The following DOCK9 variants were observed in gnomAD, a reference collection of about 807,000 sequenced individuals.
DOCK9 encodes the protein dedicator of cytokinesis protein 9.
In DOCK9, 89 loss-of-function variants were observed where a neutral mutation model predicts 263.3. The observed-to-expected ratio is 0.34, with a 90% CI of 0.28 to 0.40. The LOEUF (loss-of-function observed/expected upper bound fraction) is 0.40. DOCK9 is among the 10% of genes least tolerant of loss of function. The pLI is 1.00. For missense variants in DOCK9, 2,140 were observed against 2,603.4 expected (o/e 0.82, Z 3.87); for synonymous variants, 976 against 973.1 (o/e 1.00, Z -0.06).
At chr13:98,845,392 C>G in intron 38 of DOCK9, 1 of 1,349,904 alleles carries the variant, frequency 7.4e-7, no homozygotes, top group Non-Finnish European at 9.8e-7. Context: ...CAGAAAAAGT[C>G]ACTTTGTTAT....
At chr13:99,034,651 A>G (rs117261162) in intron 1 of DOCK9, among the ~76,000 whole-genome samples, 4,212 of 152,344 alleles carry the variant, frequency 0.028, 96 homozygotes, top group South Asian at 0.062. Context: ...CTCAACGAAC[A>G]GCAGAGACAG....
intron 52 of DOCK9, among the ~76,000 whole-genome samples, chr13:98,796,886 C>T (rs1165925512): frequency 1.3e-5 from 2 of 152,082 alleles, no homozygotes; most frequent in Non-Finnish European, 2.9e-5. Context: ...CTTAGAGCCA[C>T]GAGGAGGCGG....
chr13:98,818,889 G>A (rs941014337), intron 45 of DOCK9, among the ~76,000 whole-genome samples: 9 of 152,184 alleles, frequency 5.9e-5, no homozygotes, highest in Admixed American at 1.3e-4. Flanking sequence ...ATGAGCCTAT[G>A]TCTGTGCAGG....
At position 98,805,054 on chromosome 13, in the gene DOCK9, G is replaced by T; in HGVS notation, c.5670C>A (p.Thr1890=). The T allele has an allele frequency of 6.2e-7, 1 of 1,611,666 alleles. No homozygotes were observed. The highest frequency in any genetic ancestry group is 8.5e-7 in the Non-Finnish European group (1 of 1,178,906). The change falls in exon 49 of 53, where the codon ACC becomes ACA. Residue 1890 remains threonine, a synonymous_variant. Transcript: ENST00000682017. ...RFMFEMPFTQ[T]GKRQGGVEEQ... is the part of the protein sequence containing the mutation. ...CTTCCACCCCGCCCTGCCTCTTCCC[G>T]GTCTGCGTAAATGGCATCTCAAACA...
chr13:98,870,605 A>C (rs1687891757), intron 27 of DOCK9, among the ~76,000 whole-genome samples: 1 of 152,330 alleles, frequency 6.6e-6, no homozygotes, highest in East Asian at 1.9e-4. Context: ...TCTATCATGG[A>C]CAGGTTGAGT....
intron 49 of DOCK9, 45 bp downstream of exon 49, chr13:98,804,954 G>T (rs774904450): frequency 6.5e-7 from 1 of 1,547,636 alleles, no homozygotes; most frequent in East Asian, 2.4e-5. Context: ...CAGCTCTTTG[G>T]CGAGGTGTCC....
intron 2 of DOCK9, among the ~76,000 whole-genome samples, chr13:98,944,062 T>G (rs2056355781): frequency 6.6e-6 from 1 of 152,208 alleles, no homozygotes; most frequent in South Asian, 2.1e-4. Context: ...TTTATCCAAT[T>G]CCACCAATTG....
intron 1 of DOCK9, among the ~76,000 whole-genome samples, chr13:99,029,008 C>T (rs888144166): frequency 1.3e-5 from 2 of 152,224 alleles, no homozygotes; most frequent in Non-Finnish European, 2.9e-5. Flanking sequence ...TACCAGTTGG[C>T]TCTCTGTTAG....
intron 1 of DOCK9, among the ~76,000 whole-genome samples, chr13:98,984,653 C>G (rs559490885): frequency 3.8e-4 from 58 of 152,258 alleles, no homozygotes; most frequent in African/African-American, 1.3e-3. Context: ...AGTCAGAAAT[C>G]AGTGAGCTGG....
intron 1 of DOCK9, among the ~76,000 whole-genome samples, chr13:98,991,921 C>G (rs1278776353): frequency 3.3e-5 from 5 of 151,856 alleles, no homozygotes; most frequent in Non-Finnish European, 5.9e-5. Context: ...TTCTCCCCAC[C>G]TGTGGGGCCA....
At chr13:98,923,451 G>T in intron 4 of DOCK9, 80 bp from the exon 5 acceptor site, 8 of 1,180,058 alleles carry the variant, frequency 6.8e-6, no homozygotes, top group African/African-American at 1.5e-5. Flanking sequence ...CCATCATAGG[G>T]CCCGGCCTTT....
upstream of DOCK9, among the ~76,000 whole-genome samples, chr13:98,979,343 T>C (rs141414683): frequency 6.6e-6 from 1 of 152,172 alleles, no homozygotes; most frequent in East Asian, 1.9e-4. Flanking sequence ...TAACATAAAC[T>C]ATTATACAAG....
intron 2 of DOCK9, among the ~76,000 whole-genome samples, chr13:98,939,636 A>G (rs908611784): frequency 1.3e-5 from 2 of 152,196 alleles, no homozygotes; most frequent in Admixed American, 6.5e-5. Flanking sequence ...ACGGACCTGG[A>G]TGCAGCCAAA....
chr13:98,846,152 G>A (rs1279686610), intron 37 of DOCK9, 92 bp from the exon 38 acceptor site: 168 of 1,416,086 alleles, frequency 1.2e-4, no homozygotes, highest in South Asian at 2.3e-4. Flanking sequence ...AACATGGCAC[G>A]AGGGAGATGG....
chr13:98,999,652 G>T (rs1442211655), intron 1 of DOCK9, among the ~76,000 whole-genome samples: 2 of 152,160 alleles, frequency 1.3e-5, no homozygotes, highest in African/African-American at 2.4e-5. Context: ...ATGGAAAAGG[G>T]TTTAAATTAC....
At chr13:98,843,891 G>A (rs769842899) in intron 38 of DOCK9, among the ~76,000 whole-genome samples, 2 of 152,118 alleles carry the variant, frequency 1.3e-5, no homozygotes, top group Non-Finnish European at 2.9e-5. Flanking sequence ...ATTCACATGT[G>A]GACCATTCAT....
At chr13:98,930,527 G>A (rs1379143061) in intron 2 of DOCK9, among the ~76,000 whole-genome samples, 1 of 152,190 alleles carries the variant, frequency 6.6e-6, no homozygotes, top group African/African-American at 2.4e-5. Flanking sequence ...CAGGGTAGAG[G>A]CCCCGTTCAA....
Position 98,885,658 on chromosome 13 carries a change from A to G in DOCK9, c.2260+50T>C, listed in dbSNP as rs752333320. On this transcript the variant is annotated intron_variant, in intron 20 of 52. Transcript: ENST00000682017. ...TTCAGAATCTTAATACAATTTAAGA[A>G]CCTAATGTTTCAATTATTTAAAATC... The G allele has an allele frequency of 1.3e-5, 20 of 1,550,242 alleles. No individual in the cohort carries two copies. The Admixed American group carries it at 4.1e-4, about 32-fold the overall frequency.
chr13:99,022,662 G>T (rs1185869186), intron 1 of DOCK9, among the ~76,000 whole-genome samples: 1 of 152,284 alleles, frequency 6.6e-6, no homozygotes, highest in South Asian at 2.1e-4. Context: ...AATAACACAG[G>T]TCAGCCAGAA....
Sources: allele counts gnomAD v4.1 joint callset (sites outside exome capture counted in the v4.1 genomes callset), GRCh38; gene constraint gnomAD v4.1.1; transcripts MANE v1.5; gene names NCBI Gene and HGNC (gene_info 2026-07-23, HGNC 2026-07-21).